KCNJ3: variants seen among roughly 807,000 people sequenced by gnomAD.
KCNJ3 encodes the protein G protein-activated inward rectifier potassium channel 1.
A neutral mutation model predicts 39.2 loss-of-function variants in KCNJ3; 4 were observed. The observed-to-expected ratio is 0.10, with a 90% CI of 0.05 to 0.23. KCNJ3 has a LOEUF of 0.23. Among genes scored for constraint, KCNJ3 ranks in the 10% least tolerant of loss-of-function variants. KCNJ3 has a pLI of 1.00. For missense variants in KCNJ3, 276 were observed against 634.9 expected, an observed-to-expected ratio of 0.43 and a Z score of 6.08; for synonymous variants, 230 against 237.4, an observed-to-expected ratio of 0.97 and a Z score of 0.29.
intron 2 of KCNJ3, among the ~76,000 whole-genome samples, chr2:154,810,795 T>G (rs6761751): frequency 0.071 from 10,732 of 151,614 alleles, 529 homozygotes; most frequent in African/African-American, 0.13. Context: ...AAGCTATTTC[T>G]CAGGCTAGTA....
In KCNJ3 at chr2:154,796,149, G is replaced by A. The variant is rs538743081; in HGVS notation, c.920-58578G>A. On this transcript the variant is annotated intron_variant, in intron 2 of 2. Transcript: ENST00000295101. ...GGATGCAGTGCTAAATTCCGTAATC[G>A]TGTGAGGTTATCTGAGGAATTAAAG... Among the ~76,000 whole-genome samples, 60 of 152,182 alleles carry A rather than the reference G, an allele frequency of 3.9e-4. 1 individual carries two copies. The South Asian group carries it at 0.011, about 28-fold the overall frequency.
intron 2 of KCNJ3, among the ~76,000 whole-genome samples, chr2:154,818,274 T>G (rs1406200757): frequency 1.3e-5 from 2 of 152,138 alleles, no homozygotes; most frequent in East Asian, 3.9e-4. Flanking sequence ...CTTCGAAGTA[T>G]GGGTCTTGGA....
At chr2:154,807,354 C>T (rs568146086) in intron 2 of KCNJ3, among the ~76,000 whole-genome samples, 128 of 152,298 alleles carry the variant, frequency 8.4e-4, no homozygotes, top group Admixed American at 8.0e-3. Context: ...ACATAGCACC[C>T]TTGGAGGGAA....
At chr2:154,849,143 C>T (rs1164151826) in intron 2 of KCNJ3, among the ~76,000 whole-genome samples, 1 of 152,092 alleles carries the variant, frequency 6.6e-6, no homozygotes, top group Non-Finnish European at 1.5e-5. Context: ...TCTTGTATCC[C>T]TCTGTGACTC....
chr2:154,731,486 T>C (rs1318698527), intron 2 of KCNJ3, among the ~76,000 whole-genome samples: 1 of 152,020 alleles, frequency 6.6e-6, no homozygotes, highest in East Asian at 1.9e-4. Context: ...GGAAAATTTT[T>C]TTTTCTGAAA....
chr2:154,774,832 A>G (rs1686304405), intron 2 of KCNJ3, among the ~76,000 whole-genome samples: 1 of 152,186 alleles, frequency 6.6e-6, no homozygotes, highest in Non-Finnish European at 1.5e-5. Flanking sequence ...TTAGATAAAC[A>G]AATGTTGAAG....
chr2:154,773,087 G>A (rs1427884827), intron 2 of KCNJ3, among the ~76,000 whole-genome samples: 1 of 151,892 alleles, frequency 6.6e-6, no homozygotes, highest in African/African-American at 2.4e-5. Context: ...AATTAAGCAA[G>A]GGATAAAAAA....
At chr2:154,711,435 G>A (rs1574430435) in intron 2 of KCNJ3, among the ~76,000 whole-genome samples, 1 of 151,888 alleles carries the variant, frequency 6.6e-6, no homozygotes, top group East Asian at 1.9e-4. Context: ...ATGCATTTTT[G>A]CTTCACTTGA....
At chr2:154,814,378 G>A (rs980464005) in intron 2 of KCNJ3, among the ~76,000 whole-genome samples, 4 of 152,006 alleles carry the variant, frequency 2.6e-5, no homozygotes, top group African/African-American at 9.7e-5. Context: ...TGGCTTATGC[G>A]TGTAATCCTA....
intron 2 of KCNJ3, among the ~76,000 whole-genome samples, chr2:154,761,537 G>T (rs1425410610): frequency 4.6e-5 from 7 of 152,156 alleles, no homozygotes; most frequent in Admixed American, 2.0e-4. Flanking sequence ...TTATTTAGGA[G>T]AACTATCAAC....
chr2:154,797,826 A>G (rs1272953697), intron 2 of KCNJ3, among the ~76,000 whole-genome samples: 1 of 152,072 alleles, frequency 6.6e-6, no homozygotes, highest in East Asian at 1.9e-4. Context: ...TATTATTATT[A>G]TATTGCATTA....
intron 2 of KCNJ3, among the ~76,000 whole-genome samples, chr2:154,745,206 G>A (rs1046192137): frequency 1.3e-5 from 2 of 151,820 alleles, no homozygotes; most frequent in Non-Finnish European, 2.9e-5. Context: ...GATGTTAATT[G>A]GTGGAATGTT....
At chr2:154,824,452 C>T (rs1383608704) in intron 2 of KCNJ3, among the ~76,000 whole-genome samples, 1 of 152,108 alleles carries the variant, frequency 6.6e-6, no homozygotes, top group Non-Finnish European at 1.5e-5. Flanking sequence ...AAATATTAAA[C>T]ATCAGCTTTT....
At chr2:154,747,087 A>T (rs1433377444) in intron 2 of KCNJ3, among the ~76,000 whole-genome samples, 2 of 151,944 alleles carry the variant, frequency 1.3e-5, no homozygotes, top group Non-Finnish European at 1.5e-5. Flanking sequence ...TGTATAAAGC[A>T]CTTGAGAGTT....
In KCNJ3 at chr2:154,699,471, G is replaced by T; in HGVS notation, c.696G>T (p.Leu232=). 3.2e-6 allele frequency: 5 copies of T among 1,585,950 alleles called. No individual in the cohort carries two copies. The highest frequency in any genetic ancestry group is 4.3e-6 in the Non-Finnish European group (5 of 1,171,560). Residue 232 remains leucine, a synonymous_variant, in exon 1 of 3, where the codon CTG becomes CTT. Transcript: ENST00000295101. The surrounding 1 kb of genome is among the most constrained non-coding windows in gnomAD (Gnocchi z 6.4). ...TCTCCGCGCAGATTCGCTGCAAGCT[G>T]CTCAAAGTAAGTGCTCCCCGCCCCT... ...HMVSAQIRCK[L]LKSRQTPEGE...
At chr2:154,771,581 G>A (rs1251732322) in intron 2 of KCNJ3, among the ~76,000 whole-genome samples, 2 of 152,024 alleles carry the variant, frequency 1.3e-5, no homozygotes, top group African/African-American at 4.8e-5. Flanking sequence ...ACTCAACCAC[G>A]GGACTAGAGA....
intron 1 of KCNJ3, among the ~76,000 whole-genome samples, chr2:154,701,031 G>T (rs1684886591): frequency 6.6e-6 from 1 of 152,054 alleles, no homozygotes; most frequent in Middle Eastern, 3.2e-3. Context: ...ATTTAACTTA[G>T]TGTATTGTTA....
At chr2:154,765,770 T>A (rs768650738) in intron 2 of KCNJ3, among the ~76,000 whole-genome samples, 1 of 152,190 alleles carries the variant, frequency 6.6e-6, no homozygotes, top group Non-Finnish European at 1.5e-5. Context: ...TTTACATACA[T>A]CCTGGAAACT....
At chr2:154,743,511 T>C (rs570953559) in intron 2 of KCNJ3, among the ~76,000 whole-genome samples, 27 of 151,740 alleles carry the variant, frequency 1.8e-4, no homozygotes, top group Non-Finnish European at 3.7e-4. Flanking sequence ...TATATCTTCT[T>C]TATTCTTTCA....
Sources: gnomAD v4.1 joint callset for allele counts (sites outside exome capture counted in the v4.1 genomes callset) on GRCh38, gnomAD v4.1.1 for gene constraint, Gnocchi (gnomAD v3.1) non-coding constraint, MANE v1.5 for transcripts, NCBI Gene and HGNC (gene_info 2026-07-23, HGNC 2026-07-21) for gene names.